SPIDR: variants seen among roughly 807,000 people sequenced by gnomAD.
SPIDR encodes the protein scaffold protein involved in DNA repair.
Under a neutral mutation model 104.6 loss-of-function variants are expected in SPIDR, and 93 were observed. The observed-to-expected ratio is 0.89, with a 90% CI of 0.75 to 1.06. The LOEUF is 1.06. Among genes scored for constraint, SPIDR ranks in the 50% least tolerant of loss-of-function variants. The pLI is 0.00. For synonymous variants in SPIDR, 431 were observed against 416.9 expected (o/e 1.03, Z -0.41); for missense variants, 1,154 against 1,111.2 (o/e 1.04, Z -0.55).
intron 8 of SPIDR, among the ~76,000 whole-genome samples, chr8:47,583,174 C>T (rs568595609): frequency 2.0e-4 from 30 of 150,618 alleles, no homozygotes; most frequent in African/African-American, 4.9e-4. Context: ...GGCGTGGTGG[C>T]GGGCGCCTGT....
rs773516171 is a variant in SPIDR, at chr8:47,735,508, G to A, written c.*58G>A. 4 of 1,611,888 alleles carry A rather than the reference G, an allele frequency of 2.5e-6. No individual in the cohort carries two copies. The highest frequency in any genetic ancestry group is 2.2e-5 in the East Asian group (1 of 44,738). On this transcript the variant is annotated 3_prime_UTR_variant, in exon 20 of 20. Transcript: ENST00000297423. ...TGGCTGCAAGGGTGGTGGTGGTGGT[G>A]GTGATTTGGGGTAGTTATTTGTTAA...
intron 7 of SPIDR, among the ~76,000 whole-genome samples, chr8:47,417,163 A>G (rs2064492515): frequency 6.6e-6 from 1 of 152,170 alleles, no homozygotes; most frequent in South Asian, 2.1e-4. Context: ...GGCTGGGTCA[A>G]ATGGTATTTC....
At chr8:47,714,140 C>G (rs2082250622) in intron 16 of SPIDR, among the ~76,000 whole-genome samples, 1 of 152,008 alleles carries the variant, frequency 6.6e-6, no homozygotes. Context: ...CTGGTGGTGT[C>G]AGGAGTGTGT....
At chr8:47,700,516 C>T in intron 12 of SPIDR, 26 bp downstream of exon 12, 1 of 1,613,052 alleles carries the variant, frequency 6.2e-7, no homozygotes, top group South Asian at 1.1e-5. Flanking sequence ...GAAAAACTTC[C>T]CCAGTCACAG....
At chr8:47,476,538 G>A (rs2076312198) in intron 8 of SPIDR, among the ~76,000 whole-genome samples, 1 of 151,926 alleles carries the variant, frequency 6.6e-6, no homozygotes, top group Non-Finnish European at 1.5e-5. Flanking sequence ...CCCGCAGGTG[G>A]CCTTCTGTTC....
At chr8:47,390,530 A>G (rs2060461160) in intron 5 of SPIDR, among the ~76,000 whole-genome samples, 1 of 151,826 alleles carries the variant, frequency 6.6e-6, no homozygotes, top group South Asian at 2.1e-4. Flanking sequence ...TTCAGGAGAG[A>G]GTTGCCTCTA....
In SPIDR at chr8:47,289,766, C is replaced by T. The variant is rs368022318; in HGVS notation, c.257-1267C>T. Among the ~76,000 whole-genome samples the T allele has an allele frequency of 1.5e-4, 23 of 152,216 alleles. No individual in the cohort carries two copies. The South Asian group carries it at 3.9e-3, about 26-fold the overall frequency. On this transcript the variant is annotated intron_variant, in intron 3 of 19. Coordinates refer to ENST00000297423, the MANE Select transcript of SPIDR (RefSeq NM_001080394.4). ...AGCAAGTGCACCCTTAGGCATTTGT[C>T]CCAGAGAATGAAAATTAAATTCACA...
intron 10 of SPIDR, among the ~76,000 whole-genome samples, chr8:47,658,523 G>A (rs1456907768): frequency 6.6e-6 from 1 of 151,716 alleles, no homozygotes; most frequent in East Asian, 1.9e-4. Context: ...TAAAGACCAA[G>A]CTTGCAGCAG....
intron 8 of SPIDR, among the ~76,000 whole-genome samples, chr8:47,492,243 C>G (rs2078835849): frequency 6.6e-6 from 1 of 152,174 alleles, no homozygotes; most frequent in South Asian, 2.1e-4. Context: ...CCCCTGATTT[C>G]CATCTGCCAG....
intron 5 of SPIDR, among the ~76,000 whole-genome samples, chr8:47,333,975 G>A (rs374123079): frequency 3.0e-4 from 45 of 152,298 alleles, no homozygotes; most frequent in African/African-American, 1.1e-3. Context: ...ATTTTGGTAA[G>A]TTGTGTATTA....
intron 11 of SPIDR, among the ~76,000 whole-genome samples, chr8:47,699,347 C>T (rs374484395): frequency 2.0e-5 from 3 of 152,168 alleles, no homozygotes; most frequent in African/African-American, 7.2e-5. Flanking sequence ...CAAGCATTTT[C>T]TCAAGGTCTC....
chr8:47,440,145 A>G (rs1554695371), intron 7 of SPIDR, among the ~76,000 whole-genome samples, 178 bp from the exon 8 acceptor site: 1 of 152,220 alleles, frequency 6.6e-6, no homozygotes, highest in Non-Finnish European at 1.5e-5. Flanking sequence ...TTGATTAAAG[A>G]AAAGTGTTAT....
At chr8:47,690,502 TC>T in intron 11 of SPIDR, among the ~76,000 whole-genome samples, 1 of 151,236 alleles carries the variant, frequency 6.6e-6, no homozygotes. Flanking sequence ...TAATGCCCTG[TC>T]TTTAACAAAA....
At chr8:47,656,727 T>C (rs1164622603) in intron 10 of SPIDR, among the ~76,000 whole-genome samples, 1 of 152,194 alleles carries the variant, frequency 6.6e-6, no homozygotes, top group East Asian at 1.9e-4. Context: ...ATGGCAACAT[T>C]ACTCACAATG....
chr8:47,718,430 A>G (rs2082886579), intron 16 of SPIDR, among the ~76,000 whole-genome samples: 1 of 152,084 alleles, frequency 6.6e-6, no homozygotes, highest in Admixed American at 6.6e-5. Flanking sequence ...GTTTCTGACT[A>G]AGCCAGTTGT....
intron 14 of SPIDR, among the ~76,000 whole-genome samples, chr8:47,704,864 A>G (rs532069042): frequency 3.3e-5 from 5 of 152,218 alleles, no homozygotes; most frequent in African/African-American, 9.6e-5. Flanking sequence ...GGCACGTGCT[A>G]TGTCCCATAC....
At chr8:47,621,898 G>C in intron 10 of SPIDR, among the ~76,000 whole-genome samples, 1 of 152,182 alleles carries the variant, frequency 6.6e-6, no homozygotes, top group East Asian at 1.9e-4. Context: ...CCGGGAGGCG[G>C]AGGTTGCAGT....
At chr8:47,533,836 A>G (rs910360241) in intron 8 of SPIDR, among the ~76,000 whole-genome samples, 3 of 152,232 alleles carry the variant, frequency 2.0e-5, no homozygotes, top group African/African-American at 7.2e-5. Flanking sequence ...AAATTAGTTC[A>G]GCCATTGTGG....
intron 10 of SPIDR, among the ~76,000 whole-genome samples, chr8:47,630,725 G>A (rs1362951842): frequency 6.6e-6 from 1 of 152,108 alleles, no homozygotes; most frequent in Non-Finnish European, 1.5e-5. Context: ...AGCCTTTACA[G>A]GTGTGCATAG....
Sources: allele counts gnomAD v4.1 joint callset (sites outside exome capture counted in the v4.1 genomes callset), GRCh38; gene constraint gnomAD v4.1.1; transcripts MANE v1.5; gene names NCBI Gene and HGNC (gene_info 2026-07-23, HGNC 2026-07-21).